The following ABCB11 variants were observed in gnomAD, a reference collection of about 807,000 sequenced individuals.
ABCB11 encodes the protein bile salt export pump.
In ABCB11, 95 loss-of-function variants were observed where a neutral mutation model predicts 148.0. That is an observed-to-expected ratio of 0.64 (90% CI 0.54 to 0.76). The LOEUF (loss-of-function observed/expected upper bound fraction) is 0.76, where lower values mean the gene tolerates loss of function less well. Among genes scored for constraint, ABCB11 ranks in the 30% least tolerant of loss-of-function variants. The pLI is 0.00. For missense variants in ABCB11, 1,523 were observed against 1,617.8 expected (o/e 0.94, Z 1.01); for synonymous variants, 591 against 555.4 (o/e 1.06, Z -0.90).
intron 21 of ABCB11, among the ~76,000 whole-genome samples, chr2:168,944,191 G>A (rs1240048774): frequency 1.3e-5 from 2 of 151,998 alleles, no homozygotes; most frequent in Middle Eastern, 3.2e-3. Flanking sequence ...TCCAGAGGCT[G>A]CCCAGGACAG....
At chr2:168,944,477 G>A in intron 21 of ABCB11, 128 bp downstream of exon 21, 1 of 1,001,758 alleles carries the variant, frequency 1.0e-6, no homozygotes, top group Non-Finnish European at 1.4e-6. Flanking sequence ...AGTGGAAAAT[G>A]TGGCTTTAGG....
chr2:168,969,337 A>G lies in ABCB11; in HGVS notation c.2011+13T>C, dbSNP rs1693465106. The G allele has an allele frequency of 5.0e-6, 8 of 1,606,010 alleles. No homozygotes were observed. The highest frequency in any genetic ancestry group is 6.0e-6 in the Non-Finnish European group (7 of 1,174,936). On this transcript the variant is annotated intron_variant, in intron 16 of 27. Transcript: ENST00000650372. ...TTTAATATAACATACAAGTATAGGG[A>G]AAAAGCACTTGCCCTTTATGTCCTC...
Position 168,957,956 on chromosome 2 carries a change from G to A in ABCB11, c.2343+8C>T, listed in dbSNP as rs771498066. 3 of 1,561,622 alleles carry A rather than the reference G, an allele frequency of 1.9e-6. No individual in the cohort carries two copies. The highest frequency in any genetic ancestry group is 4.6e-5 in the East Asian group (2 of 43,752). On this transcript the variant is annotated splice_region_variant and intron_variant, in intron 19 of 27. Transcript: ENST00000650372. ...AGAAGAAGAAAGCTAGTCCAGCTGT[G>A]TACTTACCCCAAGAATCTGGCTGAA...
At chr2:169,030,713 A>G (rs1255814089) in intron 1 of ABCB11, among the ~76,000 whole-genome samples, 2 of 150,892 alleles carry the variant, frequency 1.3e-5, no homozygotes, top group African/African-American at 4.9e-5. Context: ...TCCACAGCTC[A>G]TTTTTTTTTG....
intron 9 of ABCB11, among the ~76,000 whole-genome samples, chr2:168,989,768 A>G (rs1694448650): frequency 6.6e-6 from 1 of 152,006 alleles, no homozygotes; most frequent in Non-Finnish European, 1.5e-5. Context: ...CCTTTATTGT[A>G]TTGAGGTACA....
Position 168,944,590 on chromosome 2 carries a change from C to T in ABCB11, c.2610+15G>A. On this transcript the variant is annotated intron_variant, in intron 21 of 27. Transcript: ENST00000650372. ...ATGCAGTTAATATACTTCTATTTCC[C>T]CTCCCATAGCTCACCCCTTGAACTT... 1.3e-6 allele frequency: 2 copies of T among 1,574,788 alleles called. No individual in the cohort carries two copies. Among genetic ancestry groups the T allele is most frequent in the South Asian group, 1.2e-5 (1 of 84,524 alleles).
At position 168,924,692 on chromosome 2, in the gene ABCB11, C is replaced by T; in HGVS notation, c.3730G>A (p.Glu1244Lys). Residue 1244 changes from glutamate (E) to lysine (K), a missense_variant, in exon 27 of 28, where the codon GAA becomes AAA. Coordinates refer to ENST00000650372, the MANE Select transcript of ABCB11 (RefSeq NM_003742.4). ...VRDPKILLLDEATSALDTESE... is the reference protein window; with the variant it reads ...VRDPKILLLDKATSALDTESE... ...TCTGTGTCTAAGGCAGAAGTGGCTT[C>T]ATCTAGTAGCAAGATTTTAGGATCT... The T allele has an allele frequency of 1.9e-6, 3 of 1,613,776 alleles. No individual in the cohort carries two copies. Among genetic ancestry groups the T allele is most frequent in the Non-Finnish European group, 2.5e-6 (3 of 1,179,834 alleles).
intron 25 of ABCB11, among the ~76,000 whole-genome samples, chr2:168,927,656 G>A (rs1019237884): frequency 2.0e-5 from 3 of 152,060 alleles, no homozygotes; most frequent in East Asian, 3.9e-4. Flanking sequence ...AAGAAACAAC[G>A]TCCCCTTACT....
chr2:168,957,902 C>T, intron 19 of ABCB11, 62 bp downstream of exon 19: 2 of 1,348,548 alleles, frequency 1.5e-6, no homozygotes, highest in Non-Finnish European at 2.0e-6. Flanking sequence ...AAAGAGCGGA[C>T]TTATCAAAAT....
At chr2:168,935,825 A>C (rs1435240852) in intron 22 of ABCB11, among the ~76,000 whole-genome samples, 10 of 152,228 alleles carry the variant, frequency 6.6e-5, no homozygotes, top group African/African-American at 2.2e-4. Context: ...GAGCAAAGGC[A>C]TGTGCCATTA....
At position 169,009,374 on chromosome 2, in the gene ABCB11, TACACCATGGA is replaced by T. The variant is rs552814352; in HGVS notation, c.389+3888_389+3897del. Among the ~76,000 whole-genome samples, 26 of 152,114 alleles carry T rather than the reference TACACCATGGA, an allele frequency of 1.7e-4. 1 individual carries two copies. The East Asian group carries it at 3.7e-3, about 22-fold the overall frequency. On this transcript the variant is annotated intron_variant, in intron 5 of 27. Coordinates refer to ENST00000650372, the MANE Select transcript of ABCB11 (RefSeq NM_003742.4). ...CTGGATTAAGAAAATGTGGCACATA[TACACCATGGA>T]ATACTATGCAGCCATAAAAAATGAT...
intron 23 of ABCB11, among the ~76,000 whole-genome samples, chr2:168,933,565 T>C (rs2105893705): frequency 6.6e-6 from 1 of 152,318 alleles, no homozygotes; most frequent in Middle Eastern, 3.4e-3. Flanking sequence ...TCTTTGTGTG[T>C]CACACTGCTC....
intron 7 of ABCB11, among the ~76,000 whole-genome samples, chr2:168,994,254 C>G (rs1162562850): frequency 6.6e-6 from 1 of 152,028 alleles, no homozygotes; most frequent in Non-Finnish European, 1.5e-5. Flanking sequence ...AGTCACATAC[C>G]TTCTCGTGCA....
chr2:168,960,101 G>T (rs931715730), intron 18 of ABCB11, among the ~76,000 whole-genome samples: 30 of 151,556 alleles, frequency 2.0e-4, no homozygotes, highest in African/African-American at 7.0e-4. Context: ...TCCAGATCTG[G>T]ATGCTCTCAG....
At chr2:168,936,571 G>T in intron 21 of ABCB11, 138 bp from the exon 22 acceptor site, 1 of 780,214 alleles carries the variant, frequency 1.3e-6, no homozygotes, top group Non-Finnish European at 2.0e-6. Flanking sequence ...CCATTCTTAA[G>T]TGTACAATTC....
chr2:168,958,721 A>C (rs1692915517), intron 18 of ABCB11, among the ~76,000 whole-genome samples: 2 of 151,702 alleles, frequency 1.3e-5, no homozygotes, highest in Admixed American at 6.6e-5. Context: ...CATCACACAG[A>C]GTGGACATTA....
intron 18 of ABCB11, among the ~76,000 whole-genome samples, chr2:168,961,964 AG>A (rs1693099246): frequency 6.6e-6 from 1 of 151,770 alleles, no homozygotes; most frequent in Admixed American, 6.6e-5. Flanking sequence ...TGTGGAATTT[AG>A]TTAAGTATTA....
chr2:168,966,569 C>G (rs1693330827), intron 17 of ABCB11, among the ~76,000 whole-genome samples: 1 of 151,852 alleles, frequency 6.6e-6, no homozygotes, highest in Non-Finnish European at 1.5e-5. Context: ...CAAATAAAAA[C>G]AACTAACTTG....
chr2:169,012,469 C>T (rs375722255), intron 5 of ABCB11, among the ~76,000 whole-genome samples: 2 of 152,104 alleles, frequency 1.3e-5, no homozygotes, highest in East Asian at 3.9e-4. Flanking sequence ...ACAGCACTGC[C>T]CTAGTTTTCT....
Sources: gnomAD v4.1 joint callset for allele counts (sites outside exome capture counted in the v4.1 genomes callset) on GRCh38, gnomAD v4.1.1 for gene constraint, MANE v1.5 for transcripts, NCBI Gene and HGNC (gene_info 2026-07-23, HGNC 2026-07-21) for gene names.